VPS13B: variants seen among roughly 807,000 people sequenced by gnomAD.
The protein encoded by VPS13B is vacuolar protein sorting 13 homolog B, also known as intermembrane lipid transfer protein VPS13B.
A neutral mutation model predicts 426.4 loss-of-function variants in VPS13B; 285 were observed. The observed-to-expected ratio is 0.67, with a 90% CI of 0.61 to 0.74. The LOEUF (loss-of-function observed/expected upper bound fraction) is 0.74. Among genes scored for constraint, VPS13B ranks in the 30% least tolerant of loss-of-function variants. The probability of loss-of-function intolerance (pLI) is 0.00; values close to 1 mark genes in which losing one functional copy is unlikely to be tolerated. For missense variants in VPS13B, 4,537 were observed against 4,782.6 expected (o/e 0.95, Z 1.51); for synonymous variants, 1,676 against 1,676.4 (o/e 1.00, Z 0.01).
intron 51 of VPS13B, among the ~76,000 whole-genome samples, chr8:99,825,333 T>C (rs974635293): frequency 6.6e-6 from 1 of 152,236 alleles, no homozygotes; most frequent in Non-Finnish European, 1.5e-5. Context: ...CCAGTGATGA[T>C]GAGTTTTTTT....
intron 16 of VPS13B, among the ~76,000 whole-genome samples, chr8:99,175,538 T>C (rs1812582784): frequency 6.6e-6 from 1 of 152,178 alleles, no homozygotes; most frequent in Admixed American, 6.5e-5. Flanking sequence ...TTCCAGCGCT[T>C]TGGGAGGCCA....
At chr8:99,300,028 CA>C (rs1820275689) in intron 19 of VPS13B, among the ~76,000 whole-genome samples, 1 of 152,046 alleles carries the variant, frequency 6.6e-6, no homozygotes, top group Non-Finnish European at 1.5e-5. Context: ...GAACATGTGC[CA>C]AAAGTTCTGT....
intron 3 of VPS13B, among the ~76,000 whole-genome samples, chr8:99,044,816 T>C (rs1298327973): frequency 6.6e-6 from 1 of 151,334 alleles, no homozygotes; most frequent in African/African-American, 2.4e-5. Context: ...ATGCCATTAA[T>C]TCATTCTTTT....
intron 43 of VPS13B, among the ~76,000 whole-genome samples, chr8:99,802,671 T>A (rs1461569506): frequency 1.3e-5 from 2 of 152,206 alleles, no homozygotes; most frequent in Non-Finnish European, 2.9e-5. Flanking sequence ...TGTTTATTTG[T>A]TTTACAAAAA....
At chr8:99,538,963 G>C (rs1331890250) in intron 30 of VPS13B, among the ~76,000 whole-genome samples, 1 of 152,130 alleles carries the variant, frequency 6.6e-6, no homozygotes, top group Non-Finnish European at 1.5e-5. Flanking sequence ...AGATTATAAA[G>C]GAAGAACTCA....
At chr8:99,141,064 A>G (rs1475178206) in intron 12 of VPS13B, among the ~76,000 whole-genome samples, 1 of 152,156 alleles carries the variant, frequency 6.6e-6, no homozygotes, top group Admixed American at 6.5e-5. Context: ...GAGATAACCA[A>G]TTTTAGAGAT....
At chr8:99,847,308 G>A (rs1470796410) in intron 54 of VPS13B, among the ~76,000 whole-genome samples, 2 of 152,138 alleles carry the variant, frequency 1.3e-5, no homozygotes, top group Non-Finnish European at 2.9e-5. Context: ...TCTAATAATT[G>A]GGTCAGACAC....
chr8:99,466,094 G>GA (rs1278332949), intron 23 of VPS13B, among the ~76,000 whole-genome samples: 1 of 151,994 alleles, frequency 6.6e-6, no homozygotes, highest in African/African-American at 2.4e-5. Flanking sequence ...TTTCTTCAGT[G>GA]AAAAAACAAG....
At chr8:99,857,211 C>T (rs1401976861) in intron 56 of VPS13B, among the ~76,000 whole-genome samples, 1 of 152,146 alleles carries the variant, frequency 6.6e-6, no homozygotes, top group East Asian at 1.9e-4. Context: ...GTTCCAACCC[C>T]ACGACAGGGG....
rs1241147337 is a variant in VPS13B, at chr8:99,853,349, C to T, written c.10062-102C>T. On this transcript the variant is annotated intron_variant, in intron 55 of 61. Coordinates refer to ENST00000357162, the MANE Select transcript of VPS13B (RefSeq NM_152564.5). ...TTTGTTTCTTATGAGAATCTGATGT[C>T]CCATCAGGAGGTATTTAATAGGGTA... is the stretch of plus-strand genomic sequence containing the variant. 14 of 1,173,152 alleles carry T rather than the reference C, an allele frequency of 1.2e-5. No individual in the cohort carries two copies. In the Admixed American group the frequency reaches 2.8e-4, roughly 24 times the overall value. 72.7% of individuals were successfully genotyped at this position (1,173,152 alleles called of 1,614,324 possible).
chr8:99,521,667 G>C (rs931711887), intron 30 of VPS13B, among the ~76,000 whole-genome samples: 1 of 152,178 alleles, frequency 6.6e-6, no homozygotes, highest in Non-Finnish European at 1.5e-5. Flanking sequence ...TACCAAGTGA[G>C]AAAAGTCACA....
intron 19 of VPS13B, among the ~76,000 whole-genome samples, chr8:99,296,324 T>G (rs1050654958): frequency 6.6e-6 from 1 of 152,144 alleles, no homozygotes; most frequent in African/African-American, 2.4e-5. Context: ...TTAATAAACT[T>G]TTTTTCACTG....
chr8:99,072,939 C>T (rs910899012), intron 3 of VPS13B, among the ~76,000 whole-genome samples: 2 of 152,132 alleles, frequency 1.3e-5, no homozygotes, highest in Non-Finnish European at 2.9e-5. Flanking sequence ...GTTCTCTTTT[C>T]TGTTTCATTG....
chr8:99,020,577 G>T (rs751217636), intron 2 of VPS13B, among the ~76,000 whole-genome samples: 1 of 152,132 alleles, frequency 6.6e-6, no homozygotes, highest in Non-Finnish European at 1.5e-5. Context: ...TGTCATGAAG[G>T]TTTTCTCCTA....
chr8:99,468,413 C>A (rs1241278212), intron 24 of VPS13B, among the ~76,000 whole-genome samples: 1 of 151,848 alleles, frequency 6.6e-6, no homozygotes, highest in African/African-American at 2.4e-5. Context: ...TGGTCTATGA[C>A]ACCTGAAATC....
At chr8:99,377,314 T>C (rs1813542869) in intron 19 of VPS13B, among the ~76,000 whole-genome samples, 1 of 152,316 alleles carries the variant, frequency 6.6e-6, no homozygotes, top group East Asian at 1.9e-4. Flanking sequence ...CAATAAGACA[T>C]ATGCTATGTC....
intron 3 of VPS13B, among the ~76,000 whole-genome samples, chr8:99,069,673 A>T (rs1844753165): frequency 6.6e-6 from 1 of 151,960 alleles, no homozygotes; most frequent in South Asian, 2.1e-4. Context: ...GTAAATTATC[A>T]TTACCATTCA....
rs574841035 is a variant in VPS13B at position 99,342,248 on chromosome 8, G to A, written c.2825-41960G>A. Among the ~76,000 whole-genome samples the A allele has an allele frequency of 1.9e-4, 29 of 152,230 alleles. 1 individual carries two copies. The South Asian group carries it at 5.6e-3, about 29-fold the overall frequency. On this transcript the variant is annotated intron_variant, in intron 19 of 61. Transcript: ENST00000357162. ...TCGTTTACCTATCCTTTTTCATGGT[G>A]AGACATTTGAAATTTACACTCTTCA...
At chr8:99,445,071 G>A (rs1469688425) in intron 23 of VPS13B, among the ~76,000 whole-genome samples, 1 of 151,892 alleles carries the variant, frequency 6.6e-6, no homozygotes, top group Non-Finnish European at 1.5e-5. Flanking sequence ...TTACAGTTGA[G>A]TTGTAAGAGT....
Sources: allele counts gnomAD v4.1 joint callset (sites outside exome capture counted in the v4.1 genomes callset), GRCh38; gene constraint gnomAD v4.1.1; transcripts MANE v1.5; gene names NCBI Gene and HGNC (gene_info 2026-07-23, HGNC 2026-07-21).